Variants in RBFOX1 observed in about 807,000 individuals in gnomAD.
RBFOX1 encodes RNA binding protein fox-1 homolog 1.
Under a neutral mutation model 57.7 loss-of-function variants are expected in RBFOX1, and 8 were observed. That is an observed-to-expected ratio of 0.14 (90% CI 0.08 to 0.25). The LOEUF (loss-of-function observed/expected upper bound fraction) is 0.25, where lower values mean the gene tolerates loss of function less well. Among genes scored for constraint, RBFOX1 ranks in the 10% least tolerant of loss-of-function variants. RBFOX1 has a pLI of 1.00. For synonymous variants in RBFOX1, 326 were observed against 222.4 expected, an observed-to-expected ratio of 1.47 and a Z score of -4.15; for missense variants, 611 against 548.5, an observed-to-expected ratio of 1.11 and a Z score of -1.14.
At position 5,241,150 on chromosome 16, in the gene RBFOX1, C is replaced by T. The variant is rs148786536; in HGVS notation, c.219+1045C>T. On this transcript the variant is annotated intron_variant, in intron 1 of 2. Transcript: ENST00000585867. ...GGGTAGCCGTCCTCGCCGTGGGCTG[C>T]CTCAGAGCCCCCCCTGCCCAGTCTT... 5.6e-3 allele frequency among the ~76,000 whole-genome samples: 855 copies of T among 152,294 alleles called. 4 individuals are homozygous for T. Among genetic ancestry groups the T allele is most frequent in the Middle Eastern group, 0.01 (3 of 294 alleles).
chr16:7,341,035 C>G (rs192405525), intron 4 of RBFOX1, among the ~76,000 whole-genome samples: 46 of 152,262 alleles, frequency 3.0e-4, no homozygotes, highest in Non-Finnish European at 5.6e-4. Flanking sequence ...GATGGTGGAG[C>G]AGAGTCCCCT....
chr16:5,650,846 A>G (rs2049212236), intron 3 of RBFOX1, among the ~76,000 whole-genome samples: 1 of 152,164 alleles, frequency 6.6e-6, no homozygotes, highest in East Asian at 1.9e-4. Flanking sequence ...GCGACGGGTC[A>G]TGAAGACAGG....
At chr16:7,370,561 G>A (rs1284798400) in intron 4 of RBFOX1, among the ~76,000 whole-genome samples, 1 of 152,136 alleles carries the variant, frequency 6.6e-6, no homozygotes, top group Non-Finnish European at 1.5e-5. Flanking sequence ...TAAAGGGCAT[G>A]CTTGATATTT....
intron 3 of RBFOX1, among the ~76,000 whole-genome samples, chr16:6,690,141 C>G (rs2062208526): frequency 6.6e-6 from 1 of 152,064 alleles, no homozygotes; most frequent in African/African-American, 2.4e-5. Context: ...TAGATTTCAG[C>G]CTCTAGCTTA....
At chr16:5,509,486 A>T (rs1218728513) in intron 2 of RBFOX1, among the ~76,000 whole-genome samples, 2 of 152,216 alleles carry the variant, frequency 1.3e-5, no homozygotes, top group Non-Finnish European at 2.9e-5. Context: ...GCTGGCTTGT[A>T]GTTGGCAAAG....
chr16:7,395,477 A>C (rs1194071051), intron 4 of RBFOX1, among the ~76,000 whole-genome samples: 1 of 152,246 alleles, frequency 6.6e-6, no homozygotes, highest in Non-Finnish European at 1.5e-5. Context: ...CTGCAGTAAG[A>C]ACATTTTGGG....
At chr16:6,258,529 C>G (rs974699310) in intron 1 of RBFOX1, among the ~76,000 whole-genome samples, 1 of 152,178 alleles carries the variant, frequency 6.6e-6, no homozygotes, top group African/African-American at 2.4e-5. Flanking sequence ...CTCCTCTGCT[C>G]AAAAACCTTC....
intron 3 of RBFOX1, among the ~76,000 whole-genome samples, chr16:6,931,372 CATAT>C (rs1240728054): frequency 8.1e-5 from 12 of 148,422 alleles, no homozygotes; most frequent in African/African-American, 2.9e-4. Context: ...CATACATACA[CATAT>C]ATACATACAT....
At chr16:5,894,108 C>T (rs1206606221) in intron 4 of RBFOX1, among the ~76,000 whole-genome samples, 1 of 152,096 alleles carries the variant, frequency 6.6e-6, no homozygotes, top group Non-Finnish European at 1.5e-5. Flanking sequence ...GAGAGATATG[C>T]ATGGGGATGA....
chr16:6,898,735 T>A (rs2067614335), intron 3 of RBFOX1, among the ~76,000 whole-genome samples: 1 of 152,102 alleles, frequency 6.6e-6, no homozygotes, highest in African/African-American at 2.4e-5. Context: ...GTATGATACA[T>A]GTGTATGTGT....
intron 4 of RBFOX1, among the ~76,000 whole-genome samples, chr16:5,871,144 A>C (rs2057460490): frequency 6.6e-6 from 1 of 152,212 alleles, no homozygotes; most frequent in Admixed American, 6.5e-5. Context: ...ACACAGTTTT[A>C]ATAAGATGGC....
chr16:6,496,267 G>C (rs1427281243), intron 2 of RBFOX1, among the ~76,000 whole-genome samples: 1 of 152,152 alleles, frequency 6.6e-6, no homozygotes. Context: ...TGACCACTCT[G>C]AAAGGAAATG....
At chr16:6,865,660 C>G (rs1221257475) in intron 3 of RBFOX1, among the ~76,000 whole-genome samples, 1 of 152,112 alleles carries the variant, frequency 6.6e-6, no homozygotes, top group East Asian at 1.9e-4. Context: ...GTGATGACAA[C>G]GTAGTAATCC....
At chr16:6,145,034 CT>C (rs570876700) in intron 1 of RBFOX1, among the ~76,000 whole-genome samples, 31 of 148,404 alleles carry the variant, frequency 2.1e-4, no homozygotes, top group African/African-American at 3.7e-4. Context: ...CATAGTATCT[CT>C]TTTTTTTTTA....
intron 4 of RBFOX1, among the ~76,000 whole-genome samples, chr16:7,481,984 C>G (rs2064069126): frequency 6.6e-6 from 1 of 152,174 alleles, no homozygotes; most frequent in East Asian, 1.9e-4. Context: ...ACGGTTTCTC[C>G]TGAATGATTT....
intron 4 of RBFOX1, among the ~76,000 whole-genome samples, chr16:7,140,193 T>C (rs1167494180): frequency 1.1e-4 from 15 of 133,724 alleles, no homozygotes; most frequent in Admixed American, 5.3e-4. Flanking sequence ...TCTCTCTCTC[T>C]CCCTCCTTCT....
intron 4 of RBFOX1, among the ~76,000 whole-genome samples, chr16:7,092,396 G>C (rs1663944675): frequency 6.6e-6 from 1 of 152,308 alleles, no homozygotes; most frequent in African/African-American, 2.4e-5. Flanking sequence ...CAAAAAATGA[G>C]ATCACACTGC....
intron 3 of RBFOX1, among the ~76,000 whole-genome samples, chr16:6,804,440 G>C (rs1357757092): frequency 6.6e-6 from 1 of 152,148 alleles, no homozygotes; most frequent in African/African-American, 2.4e-5. Flanking sequence ...TTTGCTGACT[G>C]AAGATTTGAC....
chr16:6,204,310 G>A (rs182911294), intron 1 of RBFOX1, among the ~76,000 whole-genome samples: 70 of 152,278 alleles, frequency 4.6e-4, no homozygotes, highest in African/African-American at 1.6e-3. Context: ...ATGAGTCAAT[G>A]TTGCGACAAG....
Sources: gnomAD v4.1 joint callset for allele counts (sites outside exome capture counted in the v4.1 genomes callset) on GRCh38, gnomAD v4.1.1 for gene constraint, MANE v1.5 for transcripts, NCBI Gene and HGNC (gene_info 2026-07-23, HGNC 2026-07-21) for gene names.